The following VAT1L variants were observed in gnomAD, a reference collection of about 807,000 sequenced individuals.
VAT1L encodes the protein vesicle amine transport 1 like, also known as putative NADPH-dependent quinone oxidoreductase VAT1L.
In VAT1L, 34 loss-of-function variants were observed where a neutral mutation model predicts 44.1. That is an observed-to-expected ratio of 0.77 (90% CI 0.59 to 1.03). The LOEUF is 1.03. Among genes scored for constraint, VAT1L ranks in the 50% least tolerant of loss-of-function variants. The pLI is 0.00. For synonymous variants in VAT1L, 253 were observed against 202.2 expected, an observed-to-expected ratio of 1.25 and a Z score of -2.13; for missense variants, 615 against 538.8, an observed-to-expected ratio of 1.14 and a Z score of -1.40.
chr16:77,829,135 C>T (rs1040551407), intron 3 of VAT1L, among the ~76,000 whole-genome samples: 1 of 152,144 alleles, frequency 6.6e-6, no homozygotes, highest in Non-Finnish European at 1.5e-5. Context: ...ATTCAACAGC[C>T]CAAAATGTTG....
chr16:77,911,648 C>G (rs1443482681), intron 7 of VAT1L, among the ~76,000 whole-genome samples: 1 of 152,204 alleles, frequency 6.6e-6, no homozygotes, highest in Non-Finnish European at 1.5e-5. Context: ...TTGCACTTCC[C>G]AAAGCCTGAG....
At chr16:77,942,054 T>G (rs2017891776) in intron 7 of VAT1L, among the ~76,000 whole-genome samples, 1 of 152,208 alleles carries the variant, frequency 6.6e-6, no homozygotes, top group African/African-American at 2.4e-5. Flanking sequence ...TGATTCGCAT[T>G]TCTCTAATGA....
At chr16:77,861,221 A>C (rs1001825772) in intron 3 of VAT1L, among the ~76,000 whole-genome samples, 1 of 152,242 alleles carries the variant, frequency 6.6e-6, no homozygotes, top group Non-Finnish European at 1.5e-5. Context: ...TTAACATCAC[A>C]GATGACGCTG....
At chr16:77,943,372 TTTTC>T (rs1312195396) in intron 7 of VAT1L, among the ~76,000 whole-genome samples, 24 of 147,088 alleles carry the variant, frequency 1.6e-4, no homozygotes, top group East Asian at 4.2e-4. Context: ...CCTATTTTCT[TTTTC>T]TTTCTTTTTT....
chr16:77,876,586 G>C, intron 5 of VAT1L, 113 bp downstream of exon 5: 1 of 880,602 alleles, frequency 1.1e-6, no homozygotes, highest in Non-Finnish European at 1.8e-6. Context: ...TGGGATGGGG[G>C]TGTTTCATTT....
intron 7 of VAT1L, among the ~76,000 whole-genome samples, chr16:77,949,161 T>A (rs935226672): frequency 2.0e-5 from 3 of 152,124 alleles, no homozygotes; most frequent in African/African-American, 7.2e-5. Flanking sequence ...AGGGAGATGA[T>A]GAGACCTCGA....
Position 77,805,865 on chromosome 16 carries a change from C to CTTTTTTTTTTTTTT in VAT1L, c.234-11054_234-11041dup, listed in dbSNP as rs10689119. 3.5e-3 allele frequency among the ~76,000 whole-genome samples: 272 copies of CTTTTTTTTTTTTTT among 78,808 alleles called. 32 individuals carry two copies. The highest frequency in any genetic ancestry group is 0.022 in the East Asian group (46 of 2,122). The allele number at this position is 78,808 out of a possible 152,430, so 51.7% of individuals were successfully genotyped here. A position where few individuals can be genotyped will look rare whatever the true frequency, so the allele number is the denominator to read the frequency against. ...GTGTTATTTTTTCCTTAGTCTCTGC[C>CTTTTTTTTTTTTTT]TTTTTTTTTTTTTTTGAGATGGAGT... is the stretch of plus-strand genomic sequence containing the variant. On this transcript the variant is annotated intron_variant, in intron 1 of 8. Coordinates refer to ENST00000302536, the MANE Select transcript of VAT1L (RefSeq NM_020927.3).
intron 7 of VAT1L, among the ~76,000 whole-genome samples, chr16:77,918,405 AG>A (rs1305434114): frequency 6.6e-6 from 1 of 152,118 alleles, no homozygotes; most frequent in Non-Finnish European, 1.5e-5. Context: ...TCCCCCCAAA[AG>A]TCTCTTGAAT....
Position 77,884,491 on chromosome 16 carries a change from C to A in VAT1L, c.883-117C>A. On this transcript the variant is annotated intron_variant, in intron 6 of 8. Coordinates refer to ENST00000302536, the MANE Select transcript of VAT1L (RefSeq NM_020927.3). This position sits in a 1 kb window ranked among gnomAD's most constrained non-coding sequence, Gnocchi z 4.5. ...GAGCAACCCCTTGGCCAGCTGGAATCTGCTGAGCTGCAGCCCCACGTTCCC... is the reference window on the plus strand; with the variant it reads ...GAGCAACCCCTTGGCCAGCTGGAATATGCTGAGCTGCAGCCCCACGTTCCC... 1 of 943,948 alleles carries A rather than the reference C, an allele frequency of 1.1e-6. No individual in the cohort carries two copies. The highest frequency in any genetic ancestry group is 1.9e-5 in the South Asian group (1 of 53,036). The allele number at this position is 943,948 out of a possible 1,614,324, so 58.5% of individuals were successfully genotyped here. A position where few individuals can be genotyped will look rare whatever the true frequency, so the allele number is the denominator to read the frequency against.
At chr16:77,883,764 T>C (rs11647294) in intron 6 of VAT1L, among the ~76,000 whole-genome samples, 90,822 of 151,910 alleles carry the variant, frequency 0.6, 28,658 homozygotes, top group South Asian at 0.75. Context: ...TCCTAAATCA[T>C]CCCTCCTCCC....
intron 3 of VAT1L, among the ~76,000 whole-genome samples, chr16:77,846,369 A>G (rs2016758284): frequency 6.6e-6 from 1 of 152,078 alleles, no homozygotes; most frequent in Admixed American, 6.5e-5. Context: ...TTGCTGCCCC[A>G]AATATTTTCT....
chr16:77,903,982 C>T (rs916786592), intron 7 of VAT1L, among the ~76,000 whole-genome samples: 4 of 151,960 alleles, frequency 2.6e-5, no homozygotes, highest in African/African-American at 7.2e-5. Flanking sequence ...GTGATCCGCT[C>T]GCCTCAGCCT....
At chr16:77,856,761 C>T (rs568978953) in intron 3 of VAT1L, among the ~76,000 whole-genome samples, 28 of 152,214 alleles carry the variant, frequency 1.8e-4, no homozygotes, top group Admixed American at 5.9e-4. Context: ...CAAAGCCATC[C>T]AAAGAGTAAT....
At chr16:77,818,362 G>C (rs1285857581) in intron 2 of VAT1L, among the ~76,000 whole-genome samples, 1 of 152,036 alleles carries the variant, frequency 6.6e-6, no homozygotes, top group Admixed American at 6.6e-5. Context: ...TAAGACAGCA[G>C]ATAAATGTTG....
intron 3 of VAT1L, among the ~76,000 whole-genome samples, chr16:77,847,274 G>A (rs1385499492): frequency 6.6e-6 from 1 of 151,836 alleles, no homozygotes; most frequent in African/African-American, 2.4e-5. Flanking sequence ...TTCTTTTGTT[G>A]ATTGTGACCT....
intron 4 of VAT1L, among the ~76,000 whole-genome samples, chr16:77,873,638 T>C (rs2017056091): frequency 6.6e-6 from 1 of 152,170 alleles, no homozygotes; most frequent in African/African-American, 2.4e-5. Flanking sequence ...AATAAATAAA[T>C]AATTACAACC....
In VAT1L at chr16:77,819,322, A is replaced by G. The variant is rs2016408897; in HGVS notation, c.363+2272A>G. ...GTGATTCTGTGAAGAACAGGATGCTAGTATTAGACCCTAGTTATCTTCTGA... is the reference window on the plus strand; with the variant it reads ...GTGATTCTGTGAAGAACAGGATGCTGGTATTAGACCCTAGTTATCTTCTGA... On this transcript the variant is annotated intron_variant, in intron 2 of 8. Coordinates refer to ENST00000302536, the MANE Select transcript of VAT1L (RefSeq NM_020927.3). 2.6e-5 allele frequency among the ~76,000 whole-genome samples: 4 copies of G among 152,182 alleles called. No individual in the cohort carries two copies. In the South Asian group the frequency reaches 8.3e-4, roughly 32 times the overall value.
chr16:77,809,403 A>G (rs1394207235), intron 1 of VAT1L, among the ~76,000 whole-genome samples: 3 of 152,236 alleles, frequency 2.0e-5, no homozygotes, highest in Admixed American at 1.3e-4. Context: ...GATGCCTCCA[A>G]CAGTCACAAA....
At chr16:77,919,322 T>C (rs542023596) in intron 7 of VAT1L, among the ~76,000 whole-genome samples, 1 of 152,278 alleles carries the variant, frequency 6.6e-6, no homozygotes, top group Admixed American at 6.5e-5. Flanking sequence ...GCTGTTTTGA[T>C]TGGAAAGGAT....
Sources: allele counts gnomAD v4.1 joint callset (sites outside exome capture counted in the v4.1 genomes callset), GRCh38; gene constraint gnomAD v4.1.1; non-coding constraint Gnocchi (gnomAD v3.1); transcripts MANE v1.5; gene names NCBI Gene and HGNC (gene_info 2026-07-23, HGNC 2026-07-21).